FAT4: variants seen among roughly 807,000 people sequenced by gnomAD.
FAT4 encodes FAT atypical cadherin 4, also known as protocadherin Fat 4.
Under a neutral mutation model 303.9 loss-of-function variants are expected in FAT4, and 84 were observed. That is an observed-to-expected ratio of 0.28 (90% CI 0.23 to 0.33). FAT4 has a LOEUF of 0.33. Among genes scored for constraint, FAT4 ranks in the 10% least tolerant of loss-of-function variants. The pLI is 1.00. For synonymous variants in FAT4, 2,307 were observed against 2,298.8 expected (o/e 1.00, Z -0.10); for missense variants, 6,005 against 6,146.8 (o/e 0.98, Z 0.77).
At position 125,476,168 on chromosome 4, in the gene FAT4, T is replaced by C; in HGVS notation, c.12214-3T>C. 1.3e-6 allele frequency: 2 copies of C among 1,581,980 alleles called. No individual in the cohort carries two copies. The highest frequency in any genetic ancestry group is 1.3e-5 in the African/African-American group (1 of 74,216). ...TTGAATGTTTCTTTCTCTTGCTTCG[T>C]AGGCAGCCTCCTTAACTGTGGACTC... On this transcript the variant is annotated splice_polypyrimidine_tract_variant and splice_region_variant and intron_variant, in intron 12 of 17. Transcript: ENST00000394329.
At chr4:125,445,012 A>G (rs180695583) in intron 8 of FAT4, among the ~76,000 whole-genome samples, 18 of 152,242 alleles carry the variant, frequency 1.2e-4, no homozygotes, top group Non-Finnish European at 2.4e-4. Context: ...GTAAAGGGCA[A>G]TAATTATACC....
At chr4:125,338,227 G>A (rs1389782951) in intron 2 of FAT4, among the ~76,000 whole-genome samples, 1 of 152,158 alleles carries the variant, frequency 6.6e-6, no homozygotes, top group Admixed American at 6.5e-5. Context: ...CATGGAAGCA[G>A]AAGGGACATT....
At position 125,318,851 on chromosome 4, in the gene FAT4, A is replaced by G. The variant is rs2125941717; in HGVS notation, c.2440A>G (p.Ser814Gly). Residue 814 changes from serine to glycine, a missense_variant, in exon 2 of 18, where the codon AGT (serine) becomes GGT (glycine). Physicochemically the swap from Ser to Gly is moderately conservative, Grantham distance 56 (BLOSUM62 0). Transcript: ENST00000394329. ...CGTGGCGCTGGGATATCATGTGGGT[A>G]GTGTGTCTGCATCCACCATGGATCT... Reference protein sequence around the residue: ...ENVALGYHVGSVSASTMDLNS... With the variant: ...ENVALGYHVGGVSASTMDLNS... 1 of 1,614,136 alleles carries G rather than the reference A, an allele frequency of 6.2e-7. No individual in the cohort carries two copies. Among genetic ancestry groups the G allele is most frequent in the Admixed American group, 1.7e-5 (1 of 60,016 alleles).
At chr4:125,393,903 A>G (rs752432597) in intron 2 of FAT4, 1 of 778,390 alleles carries the variant, frequency 1.3e-6, no homozygotes, top group East Asian at 2.4e-5. Context: ...CAGGTGACTC[A>G]GTCAAGAAAG....
Position 125,473,543 on chromosome 4 carries a change from G to T in FAT4, c.12214-2628G>T, listed in dbSNP as rs540623626. Among the ~76,000 whole-genome samples, 742 of 152,056 alleles carry T rather than the reference G, an allele frequency of 4.9e-3. 6 individuals are homozygous for T. Among genetic ancestry groups the T allele is most frequent in the African/African-American group, 0.017 (701 of 41,514 alleles). On this transcript the variant is annotated intron_variant, in intron 12 of 17. Coordinates refer to ENST00000394329, the MANE Select transcript of FAT4 (RefSeq NM_001291303.3). ...AGAATTAGAAAAACATTTAGAGATT[G>T]ATATATATAGATTGGGCTCACATTA...
In FAT4 at chr4:125,319,583, C is replaced by T; in HGVS notation, c.3172C>T (p.Leu1058=). ...PDGQLYIKSE[L]DRELQDRYVL... ...TGGTCAATTGTATATAAAAAGTGAA[C>T]TGGACCGTGAACTTCAAGACAGATA... is the stretch of plus-strand genomic sequence containing the variant. Residue 1058 remains leucine, a synonymous_variant, in exon 2 of 18, where the codon CTG becomes TTG. Transcript: ENST00000394329. 5 of 1,614,010 alleles carry T rather than the reference C, an allele frequency of 3.1e-6. No individual in the cohort carries two copies. Among genetic ancestry groups the T allele is most frequent in the Non-Finnish European group, 4.2e-6 (5 of 1,179,880 alleles).
chr4:125,428,658 A>G (rs966342729), intron 7 of FAT4, among the ~76,000 whole-genome samples: 1 of 152,168 alleles, frequency 6.6e-6, no homozygotes, highest in African/African-American at 2.4e-5. Context: ...TGTTATATTT[A>G]TGTTTATATG....
rs1179119650 is a variant in FAT4 at position 125,484,255 on chromosome 4, C to A, written c.12822+2517C>A. Among the ~76,000 whole-genome samples the A allele has an allele frequency of 2.6e-5, 4 of 151,854 alleles. 1 individual carries two copies. Among genetic ancestry groups the A allele is most frequent in the Admixed American group, 2.6e-4 (4 of 15,246 alleles). ...ATATGTAGAATCAATTGGGTCTATTCAGAAAAAGAAAAAATTAAGAAAAGA... is the reference window on the plus strand; with the variant it reads ...ATATGTAGAATCAATTGGGTCTATTAAGAAAAAGAAAAAATTAAGAAAAGA... On this transcript the variant is annotated intron_variant, in intron 16 of 17. Coordinates refer to ENST00000394329, the MANE Select transcript of FAT4 (RefSeq NM_001291303.3).
chr4:125,354,753 A>G (rs556310818), intron 2 of FAT4, among the ~76,000 whole-genome samples: 14 of 22,590 alleles, frequency 6.2e-4, no homozygotes, highest in African/African-American at 4.1e-3. Context: ...GAGTTTAATG[A>G]AAAAAAAAAA....
rs192434412 is a variant in FAT4 at position 125,369,920 on chromosome 4, G to A, written c.5176-28864G>A. Among the ~76,000 whole-genome samples the A allele has an allele frequency of 4.6e-5, 7 of 152,112 alleles. No homozygotes were observed. In the East Asian group the frequency reaches 1.3e-3, roughly 29 times the overall value. The stretch of plus-strand genomic sequence containing the variant: ...ATTTTACTTAGCATAATGTCCTCCA[G>A]GTAGATCCAAGTTGTAGTAAATGTC... On this transcript the variant is annotated intron_variant, in intron 2 of 17. Coordinates refer to ENST00000394329, the MANE Select transcript of FAT4 (RefSeq NM_001291303.3).
At chr4:125,356,987 C>G (rs1286537298) in intron 2 of FAT4, among the ~76,000 whole-genome samples, 1 of 151,914 alleles carries the variant, frequency 6.6e-6, no homozygotes. Flanking sequence ...TCTTTGCATG[C>G]CTTCTATTTT....
chr4:125,489,263 T>C (rs1234226935), intron 17 of FAT4, among the ~76,000 whole-genome samples: 1 of 152,246 alleles, frequency 6.6e-6, no homozygotes, highest in African/African-American at 2.4e-5. Flanking sequence ...TTCTTAACTT[T>C]GCATTTTATC....
At chr4:125,326,990 ACTC>A (rs1277256939) in intron 2 of FAT4, among the ~76,000 whole-genome samples, 19 of 152,126 alleles carry the variant, frequency 1.2e-4, no homozygotes, top group Admixed American at 3.3e-4. Flanking sequence ...ATGCCATTGC[ACTC>A]CAGGCTGGGT....
At chr4:125,329,714 A>T (rs191803031) in intron 2 of FAT4, among the ~76,000 whole-genome samples, 2 of 152,250 alleles carry the variant, frequency 1.3e-5, no homozygotes, top group Non-Finnish European at 2.9e-5. Flanking sequence ...TTCCTAACTG[A>T]TATTTTAAAT....
At chr4:125,404,551 C>A (rs1052158164) in intron 3 of FAT4, among the ~76,000 whole-genome samples, 1 of 152,012 alleles carries the variant, frequency 6.6e-6, no homozygotes, top group Non-Finnish European at 1.5e-5. Flanking sequence ...TCATTTGATA[C>A]GCTTTTATTT....
chr4:125,443,933 T>G (rs988314), intron 8 of FAT4, among the ~76,000 whole-genome samples: 151,204 of 152,188 alleles, frequency 0.99, 75,117 homozygotes, highest in Middle Eastern at 1. Context: ...GTATAAATTT[T>G]CATCCAACTG....
At chr4:125,467,887 G>A (rs1010036519) in intron 11 of FAT4, among the ~76,000 whole-genome samples, 2 of 152,138 alleles carry the variant, frequency 1.3e-5, no homozygotes, top group East Asian at 1.9e-4. Context: ...AATTTGGGCC[G>A]CTTGCGGTAG....
rs370780332 is a variant in FAT4 at position 125,377,473 on chromosome 4, C to T, written c.5176-21311C>T. On this transcript the variant is annotated intron_variant, in intron 2 of 17. Coordinates refer to ENST00000394329, the MANE Select transcript of FAT4 (RefSeq NM_001291303.3). ...TCAATATTATTTCTGAAACTAGACC[C>T]CAAACAAGTCAGTTTTGGTTTTGCT... is the stretch of plus-strand genomic sequence containing the variant. 5.3e-5 allele frequency among the ~76,000 whole-genome samples: 8 copies of T among 152,018 alleles called. No individual in the cohort carries two copies. In the South Asian group the frequency reaches 1.7e-3, roughly 32 times the overall value.
chr4:125,416,377 TAATGGAGGCA>T, intron 6 of FAT4, 61 bp from the exon 7 acceptor site: 4 of 1,336,446 alleles, frequency 3.0e-6, no homozygotes, highest in Admixed American at 2.3e-5. Context: ...CATTTTTTTT[TAATGGAGGCA>T]TTTTATTTCA....
Sources: gnomAD v4.1 joint callset for allele counts (sites outside exome capture counted in the v4.1 genomes callset) on GRCh38, gnomAD v4.1.1 for gene constraint, MANE v1.5 for transcripts, NCBI Gene and HGNC (gene_info 2026-07-23, HGNC 2026-07-21) for gene names.